Variants in RNF220 observed in about 807,000 individuals in gnomAD.
RNF220 encodes ring finger protein 220, also known as E3 ubiquitin-protein ligase RNF220.
A neutral mutation model predicts 67.1 loss-of-function variants in RNF220; 7 were observed. That is an observed-to-expected ratio of 0.10 (90% CI 0.06 to 0.20). The LOEUF (loss-of-function observed/expected upper bound fraction) is 0.20. RNF220 is among the 10% of genes least tolerant of loss of function. RNF220 has a pLI of 1.00. For missense variants in RNF220, 565 were observed against 740.3 expected (o/e 0.76, Z 2.75); for synonymous variants, 270 against 283.2 (o/e 0.95, Z 0.47).
At chr1:44,430,382 T>A (rs1650232697) in intron 2 of RNF220, among the ~76,000 whole-genome samples, 1 of 152,114 alleles carries the variant, frequency 6.6e-6, no homozygotes, top group Admixed American at 6.5e-5. Context: ...TAGTTAATAA[T>A]GTATCAATAT....
At chr1:44,422,939 A>G (rs1649387811) in intron 2 of RNF220, among the ~76,000 whole-genome samples, 1 of 152,188 alleles carries the variant, frequency 6.6e-6, no homozygotes, top group African/African-American at 2.4e-5. Context: ...TGATGCACTC[A>G]TTGGTTTAAT....
At chr1:44,612,994 A>G (rs12743885) in intron 2 of RNF220, among the ~76,000 whole-genome samples, 6 of 150,292 alleles carry the variant, frequency 4.0e-5, no homozygotes, top group Admixed American at 2.0e-4. Context: ...GGATGTTTCT[A>G]GATTAATAGG....
chr1:44,497,645 C>T (rs1179132699), intron 2 of RNF220, among the ~76,000 whole-genome samples: 1 of 152,188 alleles, frequency 6.6e-6, no homozygotes, highest in East Asian at 1.9e-4. Flanking sequence ...CCAAACAGGT[C>T]TTCCTGTGTT....
At chr1:44,577,909 T>C (rs951496591) in intron 2 of RNF220, among the ~76,000 whole-genome samples, 23 of 150,860 alleles carry the variant, frequency 1.5e-4, no homozygotes, top group African/African-American at 4.6e-4. Context: ...TGATCACAGC[T>C]CACTGCAGCC....
chr1:44,479,934 G>A (rs7515016), intron 2 of RNF220, among the ~76,000 whole-genome samples: 17,343 of 152,108 alleles, frequency 0.11, 2,958 homozygotes, highest in African/African-American at 0.37. Context: ...TATAAGATAC[G>A]TTTCCTGCCT....
chr1:44,457,750 C>T (rs971380563), intron 2 of RNF220, among the ~76,000 whole-genome samples: 2 of 152,102 alleles, frequency 1.3e-5, no homozygotes, highest in Non-Finnish European at 2.9e-5. Context: ...TACTAGGTTG[C>T]TTAATCAAAG....
intron 2 of RNF220, among the ~76,000 whole-genome samples, chr1:44,447,342 GA>G (rs1652206488): frequency 6.6e-6 from 1 of 152,094 alleles, no homozygotes; most frequent in East Asian, 1.9e-4. Context: ...TTGCTGTCAG[GA>G]CAATAAATAA....
chr1:44,553,496 T>C (rs2924869), intron 2 of RNF220, among the ~76,000 whole-genome samples: 102,661 of 151,958 alleles, frequency 0.68, 34,959 homozygotes, highest in Non-Finnish European at 0.71. Context: ...TTCTTTTTCA[T>C]TGTTGTACTC....
intron 2 of RNF220, among the ~76,000 whole-genome samples, chr1:44,458,401 G>A (rs758163677): frequency 6.6e-6 from 1 of 150,570 alleles, no homozygotes; most frequent in Non-Finnish European, 1.5e-5. Context: ...GACCACCTGG[G>A]TTCAAATCCT....
intron 2 of RNF220, among the ~76,000 whole-genome samples, chr1:44,452,820 T>C (rs1393977021): frequency 6.6e-6 from 1 of 152,162 alleles, no homozygotes; most frequent in East Asian, 1.9e-4. Context: ...TAGTTTTTGT[T>C]CTCATACTTT....
chr1:44,429,504 A>G (rs1173060376), intron 2 of RNF220, among the ~76,000 whole-genome samples: 2 of 152,194 alleles, frequency 1.3e-5, no homozygotes, highest in East Asian at 3.8e-4. Context: ...ATTTGTGAGC[A>G]CGAAGAATGA....
chr1:44,447,385 C>G (rs574736915), intron 2 of RNF220, among the ~76,000 whole-genome samples: 116 of 152,294 alleles, frequency 7.6e-4, no homozygotes, highest in African/African-American at 2.5e-3. Flanking sequence ...GTACCTACCC[C>G]CTAAATATCT....
chr1:44,409,926 A>T (rs1647800020), intron 1 of RNF220, among the ~76,000 whole-genome samples: 1 of 152,198 alleles, frequency 6.6e-6, no homozygotes, highest in African/African-American at 2.4e-5. Context: ...CCCCTCCCCC[A>T]TGGAGACCAA....
At chr1:44,504,389 G>A (rs912184972) in intron 2 of RNF220, among the ~76,000 whole-genome samples, 7 of 152,164 alleles carry the variant, frequency 4.6e-5, no homozygotes, top group African/African-American at 1.4e-4. Context: ...ACACTTTTAA[G>A]GACCCCGTTA....
At chr1:44,539,682 T>A (rs1661528368) in intron 2 of RNF220, among the ~76,000 whole-genome samples, 1 of 152,210 alleles carries the variant, frequency 6.6e-6, no homozygotes. Flanking sequence ...GGATGAGTAG[T>A]GTTTACTAAG....
intron 5 of RNF220, chr1:44,631,744 C>A: frequency 3.8e-6 from 1 of 264,780 alleles, no homozygotes; most frequent in Non-Finnish European, 5.8e-6. Flanking sequence ...GGCGATGGGG[C>A]GGAAGGAGCC....
intron 2 of RNF220, among the ~76,000 whole-genome samples, chr1:44,491,529 T>C (rs1656853951): frequency 6.6e-6 from 1 of 152,076 alleles, no homozygotes; most frequent in African/African-American, 2.4e-5. Flanking sequence ...AAAAACCATT[T>C]CACAAAATTC....
chr1:44,510,704 G>A (rs1356832808), intron 2 of RNF220, among the ~76,000 whole-genome samples: 1 of 152,136 alleles, frequency 6.6e-6, no homozygotes, highest in Non-Finnish European at 1.5e-5. Flanking sequence ...GGCACGATGA[G>A]GTGGGGCAGT....
chr1:44,571,859 C>T (rs1572914899), intron 2 of RNF220, among the ~76,000 whole-genome samples: 1 of 152,204 alleles, frequency 6.6e-6, no homozygotes, highest in East Asian at 1.9e-4. Flanking sequence ...CTTAAATGCC[C>T]ATCCAGAAAC....
Sources: allele counts gnomAD v4.1 joint callset (sites outside exome capture counted in the v4.1 genomes callset), GRCh38; gene constraint gnomAD v4.1.1; transcripts MANE v1.5; gene names NCBI Gene and HGNC (gene_info 2026-07-23, HGNC 2026-07-21).